The following STMN2 variants were observed in gnomAD, a reference collection of about 807,000 sequenced individuals.
STMN2 encodes stathmin-2.
STMN2 carries 2 observed loss-of-function variants against 24.1 expected under a neutral mutation model. The observed-to-expected ratio is 0.08, with a 90% confidence interval of 0.03 to 0.26. The LOEUF (loss-of-function observed/expected upper bound fraction) is 0.26, where lower values mean the gene tolerates loss of function less well. STMN2 is among the 10% of genes least tolerant of loss of function. The pLI, the probability that STMN2 is intolerant of heterozygous loss-of-function variation, is 1.00. For synonymous variants in STMN2, 83 were observed against 77.5 expected (o/e 1.07, Z -0.37); for missense variants, 114 against 213.6 (o/e 0.53, Z 2.91).
chr8:79,628,443 G>A (rs1447565296), intron 1 of STMN2, among the ~76,000 whole-genome samples: 1 of 152,088 alleles, frequency 6.6e-6, no homozygotes, highest in African/African-American at 2.4e-5. Flanking sequence ...GAGCCACCAC[G>A]CCTGGCCTAG....
intron 1 of STMN2, among the ~76,000 whole-genome samples, chr8:79,632,111 A>G (rs980828921): frequency 6.6e-6 from 1 of 152,192 alleles, no homozygotes; most frequent in Admixed American, 6.5e-5. Context: ...AGCTCTGAGG[A>G]CTGCAGGGTC....
chr8:79,644,642 G>C (rs1036638254), intron 3 of STMN2, among the ~76,000 whole-genome samples: 3 of 152,210 alleles, frequency 2.0e-5, no homozygotes, highest in Non-Finnish European at 4.4e-5. Context: ...GTTCTCACAA[G>C]AGGAAGGGGT....
At position 79,611,212 on chromosome 8, in the gene STMN2, T is replaced by C. The variant is rs1809211808; in HGVS notation, c.17T>C (p.Met6Thr). 2 of 1,613,936 alleles carry C rather than the reference T, an allele frequency of 1.2e-6. No homozygotes were observed. The highest frequency in any genetic ancestry group is 1.3e-5 in the African/African-American group (1 of 74,912). Residue 6 changes from methionine to threonine, a missense_variant and splice_region_variant, in exon 1 of 5, where the codon ATG becomes ACG. Physicochemically the swap from Met to Thr is moderately conservative, Grantham distance 81. Coordinates refer to ENST00000220876, the MANE Select transcript of STMN2 (RefSeq NM_007029.4). Reference sequence around the variant, plus strand: ...ATCCCTACAATGGCTAAAACAGCAATGGGTAAGGCACTGCGCCTCGTTCTC... The same window carrying C: ...ATCCCTACAATGGCTAAAACAGCAACGGGTAAGGCACTGCGCCTCGTTCTC... MAKTA[M>T]AYKEKMKELS... is the part of the protein sequence containing the mutation.
At chr8:79,653,744 T>C (rs1810385021) in intron 3 of STMN2, among the ~76,000 whole-genome samples, 1 of 152,234 alleles carries the variant, frequency 6.6e-6, no homozygotes, top group Non-Finnish European at 1.5e-5. Flanking sequence ...ATTGTTTAGA[T>C]ATTCCCACTT....
chr8:79,653,574 A>C (rs569515996), intron 3 of STMN2, among the ~76,000 whole-genome samples: 1 of 152,324 alleles, frequency 6.6e-6, no homozygotes, highest in South Asian at 2.1e-4. Context: ...TTTTATTTGA[A>C]GAGAAGTTTC....
chr8:79,637,826 T>G (rs1356243870), intron 2 of STMN2, among the ~76,000 whole-genome samples: 2 of 152,200 alleles, frequency 1.3e-5, no homozygotes, highest in African/African-American at 4.8e-5. Context: ...AAGAAAGACA[T>G]TAATGACAAA....
chr8:79,632,377 A>T (rs997684290), intron 1 of STMN2, among the ~76,000 whole-genome samples: 3 of 152,218 alleles, frequency 2.0e-5, no homozygotes, highest in Admixed American at 2.0e-4. Flanking sequence ...TCAAAAGGAA[A>T]AAAATGAGGT....
intron 1 of STMN2, among the ~76,000 whole-genome samples, chr8:79,618,573 C>T (rs541695403): frequency 6.6e-6 from 1 of 152,270 alleles, no homozygotes; most frequent in South Asian, 2.1e-4. Context: ...AGCAGGCAGG[C>T]AGGCAGGAGA....
At chr8:79,629,754 G>T (rs1009838659) in intron 1 of STMN2, among the ~76,000 whole-genome samples, 1 of 152,034 alleles carries the variant, frequency 6.6e-6, no homozygotes, top group South Asian at 2.1e-4. Flanking sequence ...AGTACAATTT[G>T]TACACTACCC....
intron 3 of STMN2, among the ~76,000 whole-genome samples, chr8:79,651,162 G>T (rs1442592363): frequency 1.3e-5 from 2 of 152,162 alleles, no homozygotes; most frequent in Non-Finnish European, 2.9e-5. Context: ...TGTAAGAAAA[G>T]GTACCACAGA....
chr8:79,646,352 A>G (rs1463722882), intron 3 of STMN2, among the ~76,000 whole-genome samples: 1 of 152,038 alleles, frequency 6.6e-6, no homozygotes, highest in Non-Finnish European at 1.5e-5. Context: ...ATATTAGATG[A>G]TGCAAAATTA....
intron 2 of STMN2, among the ~76,000 whole-genome samples, chr8:79,640,149 G>A (rs1385633658): frequency 6.6e-6 from 1 of 152,178 alleles, no homozygotes; most frequent in Admixed American, 6.5e-5. Context: ...GCAGTGAGTC[G>A]AGATAGTGCC....
At chr8:79,626,695 G>C (rs1207941226) in intron 1 of STMN2, among the ~76,000 whole-genome samples, 1 of 152,144 alleles carries the variant, frequency 6.6e-6, no homozygotes, top group African/African-American at 2.4e-5. Flanking sequence ...TCCCTGCTTA[G>C]CAACCAATGG....
intron 1 of STMN2, among the ~76,000 whole-genome samples, chr8:79,635,917 A>G (rs183098767): frequency 1.9e-4 from 29 of 152,248 alleles, no homozygotes; most frequent in South Asian, 1.2e-3. Context: ...AATTAAAAAA[A>G]AAAGAAAGAA....
chr8:79,624,464 A>G (rs1563435268), intron 1 of STMN2, among the ~76,000 whole-genome samples: 1 of 149,812 alleles, frequency 6.7e-6, no homozygotes, highest in Non-Finnish European at 1.5e-5. Context: ...AAAAAAAAAA[A>G]AAAAAAAAAA....
intron 1 of STMN2, among the ~76,000 whole-genome samples, chr8:79,612,077 C>T (rs948595220): frequency 6.9e-6 from 1 of 144,092 alleles, no homozygotes; most frequent in African/African-American, 2.6e-5. Flanking sequence ...CCCGCCCCCC[C>T]GCCCGGTGCT....
chr8:79,636,731 C>A, intron 1 of STMN2, 71 bp from the exon 2 acceptor site: 1 of 1,387,842 alleles, frequency 7.2e-7, no homozygotes, highest in Non-Finnish European at 1.0e-6. Flanking sequence ...AATTATTATT[C>A]AAATTAAAGG....
At chr8:79,646,202 T>A (rs1446709784) in intron 3 of STMN2, among the ~76,000 whole-genome samples, 1 of 152,046 alleles carries the variant, frequency 6.6e-6, no homozygotes, top group East Asian at 1.9e-4. Flanking sequence ...ACTAAGGAAA[T>A]CCTAGTCTGG....
In STMN2 at chr8:79,666,034, G is replaced by A. The variant is rs560768517; in HGVS notation, c.*1160G>A. 2 of 152,236 alleles carry A rather than the reference G, an allele frequency of 1.3e-5. No individual in the cohort carries two copies. The highest frequency in any genetic ancestry group is 4.8e-5 in the African/African-American group (2 of 41,528). The allele number at this position is 152,236 out of a possible 1,614,324, so 9.4% of individuals were successfully genotyped here. On this transcript the variant is annotated 3_prime_UTR_variant, in exon 5 of 5. Transcript: ENST00000220876. ...AAGTACCTATCGCAGTTTTGAAGTC[G>A]TTTCTCCCCAACTCCCAACTCCTGA...
Sources: gnomAD v4.1 joint callset for allele counts (sites outside exome capture counted in the v4.1 genomes callset) on GRCh38, gnomAD v4.1.1 for gene constraint, MANE v1.5 for transcripts, NCBI Gene and HGNC (gene_info 2026-07-23, HGNC 2026-07-21) for gene names.